Variants in OR6N1 observed in about 807,000 individuals in gnomAD.
The protein encoded by OR6N1 is olfactory receptor family 6 subfamily N member 1, also known as olfactory receptor 6N1.
For missense variants in OR6N1, 394 were observed against 371.7 expected (o/e 1.06, Z -0.49); for synonymous variants, 170 against 150.7 (o/e 1.13, Z -0.94).
chr1:158,834,800 T>G, the OR6N1 span, among the ~76,000 whole-genome samples: 1 of 152,214 alleles, frequency 6.6e-6, no homozygotes, highest in Non-Finnish European at 1.5e-5. Context: ...TTACATTTTG[T>G]ATATGATGTA....
chr1:158,815,752 C>A, the OR6N1 span, among the ~76,000 whole-genome samples: 1 of 152,018 alleles, frequency 6.6e-6, no homozygotes, highest in Non-Finnish European at 1.5e-5. Context: ...ATTATTTAAC[C>A]CTCACAGGTA....
chr1:158,840,108 C>T, the OR6N1 span, among the ~76,000 whole-genome samples: 1 of 152,114 alleles, frequency 6.6e-6, no homozygotes, highest in African/African-American at 2.4e-5. Context: ...TGTATGTAGG[C>T]ACTGCAAGTG....
chr1:158,801,022 T>C, the OR6N1 span, among the ~76,000 whole-genome samples: 1 of 152,134 alleles, frequency 6.6e-6, no homozygotes, highest in Non-Finnish European at 1.5e-5. Context: ...GAGACTTTCT[T>C]TTGTTTTGCT....
At chr1:158,779,108 A>G in the OR6N1 span, among the ~76,000 whole-genome samples, 5 of 152,322 alleles carry the variant, frequency 3.3e-5, no homozygotes, top group South Asian at 1.0e-3. Context: ...TCAATTATAT[A>G]AATACAGGTG....
At chr1:158,800,522 T>C in the OR6N1 span, among the ~76,000 whole-genome samples, 1,925 of 152,290 alleles carry the variant, frequency 0.013, 18 homozygotes, top group African/African-American at 0.022. Flanking sequence ...TATATTGCCA[T>C]AGAAAAACCT....
At chr1:158,801,065 C>T in the OR6N1 span, among the ~76,000 whole-genome samples, 2 of 152,056 alleles carry the variant, frequency 1.3e-5, no homozygotes, top group Non-Finnish European at 2.9e-5. Flanking sequence ...GCACTCCTTC[C>T]CACCACTTTT....
At chr1:158,834,965 A>G in the OR6N1 span, among the ~76,000 whole-genome samples, 26,562 of 152,056 alleles carry the variant, frequency 0.17, 2,549 homozygotes, top group Admixed American at 0.26. Flanking sequence ...ATCATATTCC[A>G]TTGTTCTTTA....
chr1:158,810,469 C>T, the OR6N1 span, among the ~76,000 whole-genome samples: 1 of 152,276 alleles, frequency 6.6e-6, no homozygotes, highest in South Asian at 2.1e-4. Context: ...GTAAAGCTTT[C>T]AGCAAGGACC....
chr1:158,812,775 T>A, the OR6N1 span, among the ~76,000 whole-genome samples: 1 of 152,228 alleles, frequency 6.6e-6, no homozygotes, highest in Non-Finnish European at 1.5e-5. Context: ...AAAATGTGAT[T>A]GGAAGGTTAG....
the OR6N1 span, chr1:158,777,584 CA>C: frequency 6.2e-7 from 1 of 1,613,864 alleles, no homozygotes; most frequent in Non-Finnish European, 8.5e-7. Flanking sequence ...CCCACACTGG[CA>C]AAGCCAAGGA....
chr1:158,779,485 T>A, the OR6N1 span, among the ~76,000 whole-genome samples: 1 of 152,234 alleles, frequency 6.6e-6, no homozygotes, highest in Non-Finnish European at 1.5e-5. Context: ...TCCTTGCAAC[T>A]CTACCACTCA....
the OR6N1 span, among the ~76,000 whole-genome samples, chr1:158,779,400 A>C: frequency 6.6e-5 from 10 of 152,316 alleles, no homozygotes; most frequent in South Asian, 1.9e-3. Flanking sequence ...GTCACATTAA[A>C]AGTATTCAAT....
At chr1:158,832,202 A>G in the OR6N1 span, among the ~76,000 whole-genome samples, 1 of 152,110 alleles carries the variant, frequency 6.6e-6, no homozygotes, top group Admixed American at 6.5e-5. Context: ...AGAATCAATT[A>G]TATATTTCCT....
chr1:158,828,148 G>A, the OR6N1 span, among the ~76,000 whole-genome samples: 1 of 152,070 alleles, frequency 6.6e-6, no homozygotes, highest in Non-Finnish European at 1.5e-5. Context: ...AGATTTGGGT[G>A]GGGACACAGA....
rs985905786 is a variant in OR6N1, at chr1:158,766,238, A to C, written c.445T>G (p.Trp149Gly). The C allele has an allele frequency of 3.7e-6, 6 of 1,614,030 alleles. No individual in the cohort carries two copies. The highest frequency in any genetic ancestry group is 5.1e-6 in the Non-Finnish European group (6 of 1,180,036). ...ACTGGCCCAGCCAAGCCTCCCAACC[A>C]ACAGCCAATGGCAATCTCTGCACAA... ...TLCAEIAIGCWLGGLAGPVVE... is the reference protein window; with the variant it reads ...TLCAEIAIGCGLGGLAGPVVE... The change falls in exon 2 of 2, where the codon TGG becomes GGG. Residue 149 changes from tryptophan to glycine, a missense_variant. Transcript: ENST00000641846.
At chr1:158,824,425 G>A in the OR6N1 span, among the ~76,000 whole-genome samples, 1 of 152,042 alleles carries the variant, frequency 6.6e-6, no homozygotes, top group African/African-American at 2.4e-5. Context: ...GCATGAAAAC[G>A]GGCTAATACA....
At chr1:158,770,679 A>G (rs1197908834) in intron 1 of OR6N1, among the ~76,000 whole-genome samples, 1 of 152,216 alleles carries the variant, frequency 6.6e-6, no homozygotes, top group Non-Finnish European at 1.5e-5. Context: ...CACAAAAAGG[A>G]AGGCTAAAAT....
the OR6N1 span, among the ~76,000 whole-genome samples, chr1:158,830,387 G>C: frequency 6.6e-6 from 1 of 152,096 alleles, no homozygotes; most frequent in African/African-American, 2.4e-5. Flanking sequence ...CTATGCTGCT[G>C]GTTTGGATTA....
At chr1:158,835,525 T>C in the OR6N1 span, among the ~76,000 whole-genome samples, 1 of 151,290 alleles carries the variant, frequency 6.6e-6, no homozygotes, top group Non-Finnish European at 1.5e-5. Flanking sequence ...TTTCCACATA[T>C]AAGATCATAT....
Sources: gnomAD v4.1 joint callset for allele counts (sites outside exome capture counted in the v4.1 genomes callset) on GRCh38, gnomAD v4.1.1 for gene constraint, MANE v1.5 for transcripts, NCBI Gene and HGNC (gene_info 2026-07-23, HGNC 2026-07-21) for gene names.